The following USP6 variants were observed in gnomAD, a reference collection of about 807,000 sequenced individuals.
USP6 encodes the protein ubiquitin specific peptidase 6, also known as ubiquitin carboxyl-terminal hydrolase 6.
A neutral mutation model predicts 175.7 loss-of-function variants in USP6; 128 were observed. The observed-to-expected ratio is 0.73, with a 90% CI of 0.63 to 0.84. The LOEUF (loss-of-function observed/expected upper bound fraction) is 0.84, where lower values mean the gene tolerates loss of function less well. USP6 is among the 40% of genes least tolerant of loss of function. The pLI is 0.00. For synonymous variants in USP6, 562 were observed against 630.6 expected (o/e 0.89, Z 1.63); for missense variants, 1,498 against 1,760.3 (o/e 0.85, Z 2.67).
At chr17:5,139,190 G>A in intron 21 of USP6, 65 bp from the exon 22 acceptor site, 2 of 1,598,302 alleles carry the variant, frequency 1.3e-6, no homozygotes, top group Non-Finnish European at 1.7e-6. Context: ...AGGCAGGTGG[G>A]GCCCAGCCCG....
chr17:5,124,735 T>C lies in USP6; in HGVS notation c.-1129T>C, dbSNP rs1241230983. The C allele has an allele frequency of 1.3e-5, 2 of 152,186 alleles. No homozygotes were observed. The highest frequency in any genetic ancestry group is 6.5e-5 in the Admixed American group (1 of 15,270). The allele number at this position is 152,186 out of a possible 1,614,324, so 9.4% of individuals were successfully genotyped here. ...ATTCTGTTGTTGAAGGTGCCCAGTCTGTGGTACTGTAAAACAGCCCTGGGA... is the reference window on the plus strand; with the variant it reads ...ATTCTGTTGTTGAAGGTGCCCAGTCCGTGGTACTGTAAAACAGCCCTGGGA... On this transcript the variant is annotated 5_prime_UTR_variant, in exon 5 of 38. Coordinates refer to ENST00000574788, the MANE Select transcript of USP6 (RefSeq NM_001304284.2).
At position 5,137,033 on chromosome 17, in the gene USP6, A is replaced by C. The variant is rs570075343; in HGVS notation, c.760-88A>C. On this transcript the variant is annotated intron_variant, in intron 18 of 37. Transcript: ENST00000574788. ...TTCTGGACACCGCCCAGTGTTCTGCACTAGGGGAAAGGTCTTCAGAGGCCC... is the reference window on the plus strand; with the variant it reads ...TTCTGGACACCGCCCAGTGTTCTGCCCTAGGGGAAAGGTCTTCAGAGGCCC... 132 of 1,413,808 alleles carry C rather than the reference A, an allele frequency of 9.3e-5. 1 individual carries two copies. In the African/African-American group the frequency reaches 1.7e-3, roughly 18 times the overall value. The allele number at this position is 1,413,808 out of a possible 1,614,324, so 87.6% of individuals were successfully genotyped here.
At position 5,174,675 on chromosome 17, in the gene USP6, T is replaced by C. The variant is rs1406298555; in HGVS notation, c.*1697T>C. 8 of 200,540 alleles carry C rather than the reference T, an allele frequency of 4.0e-5. No individual in the cohort carries two copies. The East Asian group carries it at 6.2e-4, about 16-fold the overall frequency. The allele number at this position is 200,540 out of a possible 1,614,324, so 12.4% of individuals were successfully genotyped here. On this transcript the variant is annotated 3_prime_UTR_variant, in exon 38 of 38. Transcript: ENST00000574788. ...AATAATTTCTTTACAGATGTTTTAT[T>C]TAAACAGGTAGCACAATCTACTAAT... is the stretch of plus-strand genomic sequence containing the variant.
Position 5,164,437 on chromosome 17 carries a change from CGAGTTG to C in USP6, c.3036+1434_3036+1439del, listed in dbSNP as rs750269232. On this transcript the variant is annotated intron_variant, in intron 33 of 37. Transcript: ENST00000574788. ...TCACTAGCAAGGAGGGAAAATTTTA[CGAGTTG>C]ATAGATTCATAAATCTTTGTTAGCA... is the stretch of plus-strand genomic sequence containing the variant. 1.6e-3 allele frequency among the ~76,000 whole-genome samples: 245 copies of C among 152,336 alleles called. 1 individual carries two copies. The highest frequency in any genetic ancestry group is 2.1e-3 in the Non-Finnish European group (141 of 68,030).
At chr17:5,150,375 AATTG>A (rs1157786673) in intron 30 of USP6, among the ~76,000 whole-genome samples, 6 of 151,564 alleles carry the variant, frequency 4.0e-5, no homozygotes, top group African/African-American at 1.5e-4. Context: ...AGATCAAGTA[AATTG>A]ATTGTATAGC....
At chr17:5,172,039 T>G (rs185518309) in intron 37 of USP6, among the ~76,000 whole-genome samples, 125 of 150,200 alleles carry the variant, frequency 8.3e-4, no homozygotes, top group Admixed American at 4.4e-3. Flanking sequence ...GTTGGGCATG[T>G]TGGCGCATGC....
intron 30 of USP6, among the ~76,000 whole-genome samples, chr17:5,154,466 A>G (rs1275958479): frequency 1.3e-5 from 2 of 152,182 alleles, no homozygotes; most frequent in African/African-American, 2.4e-5. Flanking sequence ...TATATTAAGG[A>G]ATATCATAAA....
chr17:5,138,860 G>C lies in USP6; in HGVS notation c.1079-395G>C, dbSNP rs573357788. ...CCCAGGGGGGCAGAGGGTGACCCAC[G>C]TCCGGGCCCAGTCACCCACTGCGGA... On this transcript the variant is annotated intron_variant, in intron 21 of 37. Transcript: ENST00000574788. 61 of 641,202 alleles carry C rather than the reference G, an allele frequency of 9.5e-5. No homozygotes were observed. The Admixed American group carries it at 1.6e-3, about 17-fold the overall frequency. 39.7% of individuals were successfully genotyped at this position (641,202 alleles called of 1,614,324 possible).
At chr17:5,172,768 G>A (rs1484920561) in intron 37 of USP6, 37 bp from the exon 38 acceptor site, 1 of 1,610,446 alleles carries the variant, frequency 6.2e-7, no homozygotes, top group African/African-American at 1.3e-5. Context: ...TCATAATAGT[G>A]ATGGCTTTTT....
chr17:5,141,744 G>C (rs1047422108), intron 23 of USP6, among the ~76,000 whole-genome samples: 2 of 152,230 alleles, frequency 1.3e-5, no homozygotes, highest in African/African-American at 4.8e-5. Context: ...AAGAATAATT[G>C]TTTGAATTAT....
intron 6 of USP6, among the ~76,000 whole-genome samples, chr17:5,127,268 C>T (rs1392754765): frequency 1.3e-5 from 2 of 152,330 alleles, no homozygotes; most frequent in African/African-American, 2.4e-5. Flanking sequence ...CCTCTGCAGG[C>T]TGACAAACCT....
chr17:5,169,873 ATGTAT>A (rs2074176367), intron 35 of USP6, among the ~76,000 whole-genome samples: 1 of 152,246 alleles, frequency 6.6e-6, no homozygotes, highest in Non-Finnish European at 1.5e-5. Context: ...GTCTGTGCTA[ATGTAT>A]TGTACTTTTT....
In USP6 at chr17:5,130,516, C is replaced by T. The variant is rs1345930362; in HGVS notation, c.72+77C>T. 1.9e-6 allele frequency: 3 copies of T among 1,611,132 alleles called. No homozygotes were observed. The South Asian group carries it at 3.3e-5, about 18-fold the overall frequency. On this transcript the variant is annotated intron_variant, in intron 10 of 37. Transcript: ENST00000574788. ...CAAAGGGTCCTGGGTTCCCTAGGAGCACAGGGCAGGGACGGGTGGCCAATA... is the reference window on the plus strand; with the variant it reads ...CAAAGGGTCCTGGGTTCCCTAGGAGTACAGGGCAGGGACGGGTGGCCAATA...
At chr17:5,141,368 C>T in intron 22 of USP6, 57 bp from the exon 23 acceptor site, 2 of 1,460,352 alleles carry the variant, frequency 1.4e-6, no homozygotes, top group South Asian at 2.5e-5. Flanking sequence ...CAGAAGCAAT[C>T]AAGTGGGTGT....
intron 30 of USP6, among the ~76,000 whole-genome samples, chr17:5,150,565 G>A (rs184239978): frequency 5.3e-5 from 8 of 151,124 alleles, no homozygotes; most frequent in African/African-American, 1.9e-4. Context: ...TGCAATCTCG[G>A]TTCACTGCAG....
intron 15 of USP6, chr17:5,134,804 G>T: frequency 3.3e-6 from 1 of 304,912 alleles, no homozygotes; most frequent in Non-Finnish European, 6.3e-6. Context: ...CATAGGGACT[G>T]AGCAGCAGTC....
intron 30 of USP6, among the ~76,000 whole-genome samples, chr17:5,152,354 G>C (rs2073792921): frequency 6.6e-6 from 1 of 151,964 alleles, no homozygotes; most frequent in South Asian, 2.1e-4. Context: ...CAGACTGACA[G>C]GGTTGCTAAG....
chr17:5,167,496 C>G (rs888431070), intron 33 of USP6, among the ~76,000 whole-genome samples: 3 of 152,050 alleles, frequency 2.0e-5, no homozygotes, highest in Non-Finnish European at 2.9e-5. Context: ...TGCTCGGACT[C>G]TAGTTTGGGT....
intron 21 of USP6, 183 bp from the exon 22 acceptor site, chr17:5,139,072 C>G (rs1278132507): frequency 1.3e-6 from 2 of 1,592,262 alleles, no homozygotes; most frequent in Non-Finnish European, 8.5e-7. Flanking sequence ...AACGGCTTCC[C>G]CATGCCAGGC....
Sources: allele counts gnomAD v4.1 joint callset (sites outside exome capture counted in the v4.1 genomes callset), GRCh38; gene constraint gnomAD v4.1.1; transcripts MANE v1.5; gene names NCBI Gene and HGNC (gene_info 2026-07-23, HGNC 2026-07-21).